RRAGB: variants seen among roughly 807,000 people sequenced by gnomAD.
The protein encoded by RRAGB is Ras related GTP binding B.
RRAGB carries 6 observed loss-of-function variants against 29.3 expected under a neutral mutation model. That is an observed-to-expected ratio of 0.21 (90% CI 0.11 to 0.40). The LOEUF is 0.40. Ranked by LOEUF, RRAGB falls within the 10% of genes least tolerant of loss-of-function variation. RRAGB has a pLI of 1.00. For missense variants in RRAGB, 184 were observed against 272.9 expected, an observed-to-expected ratio of 0.67 and a Z score of 2.29; for synonymous variants, 101 against 92.5, an observed-to-expected ratio of 1.09 and a Z score of -0.53.
At chrX:55,751,518 A>G (rs1375374807) in intron 6 of RRAGB, 6 of 160,320 alleles carry the variant, frequency 3.7e-5, no homozygotes, top group African/African-American at 9.4e-5. Context: ...TGTGGTCTCA[A>G]TGCTGATTGG....
At chrX:55,727,415 G>A in intron 3 of RRAGB, 1 of 679,594 alleles carries the variant, frequency 1.5e-6, no homozygotes. Flanking sequence ...CTTTTCCAAG[G>A]AGGGGGAAGT....
In RRAGB at chrX:55,740,202, A is replaced by T. The variant is rs867105555; in HGVS notation, c.516+8616A>T. On this transcript the variant is annotated intron_variant, in intron 5 of 9. Transcript: ENST00000374941. ...GCTGGGCGCAGTGGCGGGCGCCTGT[A>T]GTCCCAGCTACTCGGGAGGCTGAGG... Among the ~76,000 whole-genome samples the T allele has an allele frequency of 8.5e-3, 945 of 111,039 alleles. 3 individuals carry two copies. Among genetic ancestry groups the T allele is most frequent in the African/African-American group, 0.029 (893 of 30,551 alleles).
In RRAGB at chrX:55,739,104, TC is replaced by T. The variant is rs1398298851; in HGVS notation, c.516+7519del. Among the ~76,000 whole-genome samples, 3 of 112,998 alleles carry T rather than the reference TC, an allele frequency of 2.7e-5. No individual in the cohort carries two copies. In the Admixed American group the frequency reaches 2.8e-4, roughly 10 times the overall value. On this transcript the variant is annotated intron_variant, in intron 5 of 9. Transcript: ENST00000374941. ...AAGGTAGGTATCACATCCACAGTCT[TC>T]TGCTAGCAGCAGCTAGCTGGATCCC...
intron 1 of RRAGB, 109 bp from the exon 2 acceptor site, chrX:55,719,205 C>G: frequency 3.1e-6 from 2 of 649,704 alleles, no homozygotes; most frequent in Admixed American, 3.5e-5. Flanking sequence ...TGTACTCAGC[C>G]GTTGTACTAA....
intron 7 of RRAGB, among the ~76,000 whole-genome samples, 164 bp downstream of exon 7, chrX:55,753,678 A>G (rs2034582626): frequency 8.9e-6 from 1 of 112,715 alleles, no homozygotes; most frequent in South Asian, 3.6e-4. Flanking sequence ...AGTGACCTGA[A>G]AGAAGCCCTT....
chrX:55,755,500 T>C, intron 7 of RRAGB: 1 of 733,836 alleles, frequency 1.4e-6, no homozygotes. Flanking sequence ...GTTTTTCTTT[T>C]TGATTGATAC....
At chrX:55,728,043 T>C (rs1463802950) in intron 3 of RRAGB, among the ~76,000 whole-genome samples, 3 of 110,111 alleles carry the variant, frequency 2.7e-5, no homozygotes, top group African/African-American at 9.9e-5. Context: ...TCCAGGCAGA[T>C]GAACAGAGTA....
intron 2 of RRAGB, among the ~76,000 whole-genome samples, chrX:55,720,791 T>G (rs1448291653): frequency 9.1e-6 from 1 of 110,309 alleles, no homozygotes; most frequent in Non-Finnish European, 1.9e-5. Context: ...GGCATGAGAA[T>G]CACTTGAACC....
At chrX:55,756,556 G>T (rs1305335914) in intron 8 of RRAGB, among the ~76,000 whole-genome samples, 2 of 112,183 alleles carry the variant, frequency 1.8e-5, no homozygotes, top group Non-Finnish European at 3.8e-5. Context: ...AGACTTTCTG[G>T]AATGTTTATG....
chrX:55,725,339 T>C (rs2033440502), intron 3 of RRAGB, among the ~76,000 whole-genome samples: 1 of 111,899 alleles, frequency 8.9e-6, no homozygotes, highest in Non-Finnish European at 1.9e-5. Flanking sequence ...CTTTAAAATA[T>C]TATGTTGGTC....
At chrX:55,740,167 C>A (rs1200840503) in intron 5 of RRAGB, among the ~76,000 whole-genome samples, 2 of 110,996 alleles carry the variant, frequency 1.8e-5, no homozygotes, top group African/African-American at 6.6e-5. Context: ...CTAAAAAATA[C>A]AAAAAATTAG....
intron 2 of RRAGB, 72 bp from the exon 3 acceptor site, chrX:55,722,114 T>C: frequency 1.8e-6 from 1 of 564,938 alleles, no homozygotes; most frequent in South Asian, 3.4e-5. Flanking sequence ...AGGAGAGAAA[T>C]AGATCCCTTT....
rs192978692 is a variant in RRAGB at position 55,753,550 on chromosome X, T to C, written c.735+36T>C. 6.3e-4 allele frequency: 711 copies of C among 1,132,729 alleles called. 4 individuals carry two copies. The African/African-American group carries it at 0.012, about 18-fold the overall frequency. The allele number at this position is 1,132,729 out of a possible 1,213,427, so 93.3% of individuals were successfully genotyped here. A position where few individuals can be genotyped will look rare whatever the true frequency, so the allele number is the denominator to read the frequency against. ...TCTGCTTTGCAGATGTACTTCACAC[T>C]GTACGTTCTTTGTTTTCAGCAACAG... On this transcript the variant is annotated intron_variant, in intron 7 of 9. Coordinates refer to ENST00000374941, the MANE Select transcript of RRAGB (RefSeq NM_006064.5).
intron 5 of RRAGB, among the ~76,000 whole-genome samples, chrX:55,739,458 A>G (rs757843949): frequency 8.0e-5 from 9 of 112,080 alleles, no homozygotes; most frequent in Non-Finnish European, 1.7e-4. Flanking sequence ...CATGCAAAGT[A>G]CTTCTCAATA....
intron 5 of RRAGB, among the ~76,000 whole-genome samples, chrX:55,731,940 C>T (rs1447415020): frequency 1.8e-5 from 2 of 112,006 alleles, no homozygotes; most frequent in East Asian, 5.6e-4. Context: ...AGAGAGGTTG[C>T]TGCTTTCATT....
intron 3 of RRAGB, among the ~76,000 whole-genome samples, chrX:55,725,552 GT>G (rs1162931832): frequency 9.0e-6 from 1 of 111,456 alleles, no homozygotes; most frequent in East Asian, 2.8e-4. Flanking sequence ...ATGTTTTAGT[GT>G]TTTTCTAGTT....
At chrX:55,729,762 G>A (rs1001424901) in intron 4 of RRAGB, among the ~76,000 whole-genome samples, 11 of 112,140 alleles carry the variant, frequency 9.8e-5, no homozygotes, top group African/African-American at 2.9e-4. Flanking sequence ...ATCAGACACT[G>A]AGCACACATT....
Position 55,751,205 on chromosome X carries a change from G to A in RRAGB, c.612+9G>A. On this transcript the variant is annotated intron_variant, in intron 6 of 9. Coordinates refer to ENST00000374941, the MANE Select transcript of RRAGB (RefSeq NM_006064.5). ...ATGAAACCCTCTATAAGGTGTGTAT[G>A]TCTCCCTGAGTTCCCTCATTTTAAG... is the stretch of plus-strand genomic sequence containing the variant. 1 of 955,189 alleles carries A rather than the reference G, an allele frequency of 1.0e-6. No homozygotes were observed. The highest frequency in any genetic ancestry group is 1.5e-6 in the Non-Finnish European group (1 of 677,237). The allele number at this position is 955,189 out of a possible 1,213,427, so 78.7% of individuals were successfully genotyped here. A position where few individuals can be genotyped will look rare whatever the true frequency, so the allele number is the denominator to read the frequency against.
chrX:55,719,459 G>C (rs2033182192), intron 2 of RRAGB, 112 bp downstream of exon 2: 6 of 500,715 alleles, frequency 1.2e-5, no homozygotes, highest in Non-Finnish European at 1.8e-5. Flanking sequence ...GGAGCCTTCT[G>C]TGTGGTCTGT....
Sources: gnomAD v4.1 joint callset for allele counts (sites outside exome capture counted in the v4.1 genomes callset) on GRCh38, gnomAD v4.1.1 for gene constraint, MANE v1.5 for transcripts, NCBI Gene and HGNC (gene_info 2026-07-23, HGNC 2026-07-21) for gene names.